SBF2: variants seen among roughly 807,000 people sequenced by gnomAD.
SBF2 encodes SET binding factor 2.
SBF2 carries 112 observed loss-of-function variants against 225.2 expected under a neutral mutation model. That is an observed-to-expected ratio of 0.50 (90% CI 0.43 to 0.58). The LOEUF (loss-of-function observed/expected upper bound fraction) is 0.58. Ranked by LOEUF, SBF2 falls within the 20% of genes least tolerant of loss-of-function variation. SBF2 has a pLI of 0.00. For synonymous variants in SBF2, 763 were observed against 773.3 expected (o/e 0.99, Z 0.22); for missense variants, 1,996 against 2,206.2 (o/e 0.90, Z 1.91).
intron 16 of SBF2, among the ~76,000 whole-genome samples, chr11:9,928,236 A>C (rs117194848): frequency 0.028 from 4,316 of 152,314 alleles, 110 homozygotes; most frequent in Middle Eastern, 0.058. Context: ...TCAGAATATA[A>C]AAATTTTTCC....
intron 32 of SBF2, among the ~76,000 whole-genome samples, chr11:9,799,565 G>A (rs1390673917): frequency 1.3e-5 from 2 of 152,164 alleles, no homozygotes; most frequent in Non-Finnish European, 2.9e-5. Context: ...TTTCTTTGGT[G>A]GAAAAAGAAA....
chr11:9,894,503 C>T (rs188629685), intron 17 of SBF2, among the ~76,000 whole-genome samples: 1 of 147,056 alleles, frequency 6.8e-6, no homozygotes. Flanking sequence ...GGCGACAGAG[C>T]GAGACCCTGT....
At chr11:9,975,377 A>G (rs1051775776) in intron 13 of SBF2, among the ~76,000 whole-genome samples, 3 of 152,222 alleles carry the variant, frequency 2.0e-5, no homozygotes, top group African/African-American at 4.8e-5. Context: ...TGCTAAGTGA[A>G]TGAAGCTAAA....
chr11:9,841,246 G>A (rs908817269), intron 25 of SBF2, among the ~76,000 whole-genome samples: 1 of 152,062 alleles, frequency 6.6e-6, no homozygotes, highest in Non-Finnish European at 1.5e-5. Context: ...TTTCAGAGGA[G>A]CAAAGAACAT....
At chr11:9,799,571 A>G (rs10840305) in intron 32 of SBF2, among the ~76,000 whole-genome samples, 41,316 of 152,138 alleles carry the variant, frequency 0.27, 5,718 homozygotes, top group Middle Eastern at 0.38. Context: ...TGGTGGAAAA[A>G]GAAAAGTCAG....
intron 32 of SBF2, among the ~76,000 whole-genome samples, chr11:9,806,932 T>C (rs1188147637): frequency 6.6e-6 from 1 of 152,204 alleles, no homozygotes; most frequent in African/African-American, 2.4e-5. Flanking sequence ...AAAAATTATG[T>C]AGTGATCTGG....
intron 16 of SBF2, among the ~76,000 whole-genome samples, chr11:9,902,857 T>G (rs1861826501): frequency 6.6e-6 from 1 of 152,068 alleles, no homozygotes; most frequent in Admixed American, 6.6e-5. Flanking sequence ...TTTGATAAAT[T>G]AAGTAAGCCT....
At chr11:10,227,929 G>T (rs868209573) in intron 1 of SBF2, among the ~76,000 whole-genome samples, 1 of 151,038 alleles carries the variant, frequency 6.6e-6, no homozygotes, top group Non-Finnish European at 1.5e-5. Flanking sequence ...CCATTTTCAC[G>T]ATATTGATTC....
At chr11:10,137,152 C>A (rs910991993) in intron 2 of SBF2, among the ~76,000 whole-genome samples, 1 of 152,146 alleles carries the variant, frequency 6.6e-6, no homozygotes, top group Non-Finnish European at 1.5e-5. Context: ...TACATCATTT[C>A]TTTTAGTAAC....
intron 2 of SBF2, among the ~76,000 whole-genome samples, chr11:10,159,999 C>T (rs1246662441): frequency 6.6e-6 from 1 of 152,124 alleles, no homozygotes; most frequent in Non-Finnish European, 1.5e-5. Flanking sequence ...TTCTCTATTG[C>T]AATTCCCCTG....
intron 1 of SBF2, among the ~76,000 whole-genome samples, chr11:10,266,939 C>T (rs1480770874): frequency 6.6e-6 from 1 of 152,022 alleles, no homozygotes; most frequent in Non-Finnish European, 1.5e-5. Flanking sequence ...AAATATAATA[C>T]AAAAATTAGC....
At chr11:9,806,245 G>C (rs1473502688) in intron 32 of SBF2, among the ~76,000 whole-genome samples, 1 of 152,162 alleles carries the variant, frequency 6.6e-6, no homozygotes, top group Admixed American at 6.5e-5. Context: ...AAGATTCAAA[G>C]AATTATGAAC....
At chr11:10,098,679 GCACA>G (rs56244507) in intron 2 of SBF2, among the ~76,000 whole-genome samples, 8,838 of 130,754 alleles carry the variant, frequency 0.068, 470 homozygotes, top group African/African-American at 0.17. Context: ...GACAAAAAAT[GCACA>G]CACACACACA....
intron 2 of SBF2, among the ~76,000 whole-genome samples, chr11:10,165,626 C>T (rs1189950883): frequency 6.6e-6 from 1 of 152,142 alleles, no homozygotes; most frequent in Admixed American, 6.5e-5. Context: ...CTAAACAGAA[C>T]CAAATCTCCA....
At chr11:9,886,511 A>C (rs888210901) in intron 17 of SBF2, among the ~76,000 whole-genome samples, 1 of 151,316 alleles carries the variant, frequency 6.6e-6, no homozygotes, top group African/African-American at 2.4e-5. Flanking sequence ...AGATCCACAT[A>C]GAAGTCCAAG....
chr11:9,864,937 G>T (rs1397462948), intron 17 of SBF2, among the ~76,000 whole-genome samples: 2 of 151,714 alleles, frequency 1.3e-5, no homozygotes, highest in African/African-American at 2.4e-5. Context: ...TTGAGACAGG[G>T]TCTCACCTGC....
At chr11:10,238,619 C>T (rs1959168033) in intron 1 of SBF2, among the ~76,000 whole-genome samples, 1 of 147,644 alleles carries the variant, frequency 6.8e-6, no homozygotes, top group Non-Finnish European at 1.5e-5. Flanking sequence ...AAAGACAAAT[C>T]CAAAATAACA....
chr11:9,917,361 T>C (rs1278244387), intron 16 of SBF2, among the ~76,000 whole-genome samples: 1 of 151,690 alleles, frequency 6.6e-6, no homozygotes, highest in Non-Finnish European at 1.5e-5. Flanking sequence ...AGACAGAATC[T>C]CCCTCTGTCA....
intron 1 of SBF2, among the ~76,000 whole-genome samples, chr11:10,236,454 C>T (rs556206890): frequency 6.6e-6 from 1 of 151,938 alleles, no homozygotes; most frequent in Non-Finnish European, 1.5e-5. Flanking sequence ...CAGAGCGAGT[C>T]CGTCTCTTTT....
Sources: allele counts gnomAD v4.1 joint callset (sites outside exome capture counted in the v4.1 genomes callset), GRCh38; gene constraint gnomAD v4.1.1; transcripts MANE v1.5; gene names NCBI Gene and HGNC (gene_info 2026-07-23, HGNC 2026-07-21).